RFX3: variants seen among roughly 807,000 people sequenced by gnomAD.
RFX3 encodes the protein regulatory factor X3.
RFX3 carries 14 observed loss-of-function variants against 98.6 expected under a neutral mutation model. The observed-to-expected ratio is 0.14, with a 90% CI of 0.09 to 0.22. RFX3 has a LOEUF of 0.22. Ranked by LOEUF, RFX3 falls within the 10% of genes least tolerant of loss-of-function variation. The pLI is 1.00. For missense variants in RFX3, 639 were observed against 926.9 expected, an observed-to-expected ratio of 0.69 and a Z score of 4.03; for synonymous variants, 383 against 328.4, an observed-to-expected ratio of 1.17 and a Z score of -1.80.
intron 5 of RFX3, among the ~76,000 whole-genome samples, chr9:3,294,218 TG>T: frequency 6.6e-6 from 1 of 152,142 alleles, no homozygotes; most frequent in Non-Finnish European, 1.5e-5. Context: ...ATTGTCTCCA[TG>T]CCTGAGTCTG....
At chr9:3,330,081 A>G (rs963094564) in intron 4 of RFX3, among the ~76,000 whole-genome samples, 178 bp downstream of exon 4, 1 of 152,188 alleles carries the variant, frequency 6.6e-6, no homozygotes, top group African/African-American at 2.4e-5. Context: ...GGGCATATGT[A>G]TCAGTAACAT....
At chr9:3,498,659 T>C (rs1396085014) in intron 1 of RFX3, among the ~76,000 whole-genome samples, 1 of 152,102 alleles carries the variant, frequency 6.6e-6, no homozygotes, top group Non-Finnish European at 1.5e-5. Context: ...TTATTGCTAT[T>C]TTAATACCAC....
chr9:3,233,493 G>C (rs1818748314), intron 15 of RFX3, among the ~76,000 whole-genome samples: 1 of 152,204 alleles, frequency 6.6e-6, no homozygotes, highest in African/African-American at 2.4e-5. Context: ...ACAACGCAGA[G>C]GAAGTTAGGG....
chr9:3,409,717 A>G (rs1323676072), intron 1 of RFX3, among the ~76,000 whole-genome samples: 1 of 152,232 alleles, frequency 6.6e-6, no homozygotes, highest in East Asian at 1.9e-4. Flanking sequence ...CTATTCAGTG[A>G]ATTGATCACC....
At chr9:3,298,547 G>A (rs1049006161) in intron 5 of RFX3, among the ~76,000 whole-genome samples, 8 of 151,780 alleles carry the variant, frequency 5.3e-5, no homozygotes, top group African/African-American at 1.9e-4. Context: ...GGGATGCACT[G>A]GTGAACAAAA....
At chr9:3,457,023 C>T (rs1393589005) in intron 1 of RFX3, among the ~76,000 whole-genome samples, 1 of 151,604 alleles carries the variant, frequency 6.6e-6, no homozygotes, top group Non-Finnish European at 1.5e-5. Context: ...CACCTGTAAT[C>T]CCAGCTACTT....
intron 1 of RFX3, among the ~76,000 whole-genome samples, chr9:3,520,468 T>C (rs975435328): frequency 6.6e-6 from 1 of 152,146 alleles, no homozygotes; most frequent in African/African-American, 2.4e-5. Flanking sequence ...GAGTCGATGA[T>C]ACAAGAAGTA....
At chr9:3,409,032 C>G (rs1030092718) in intron 1 of RFX3, among the ~76,000 whole-genome samples, 1 of 152,212 alleles carries the variant, frequency 6.6e-6, no homozygotes. Context: ...TTTAAGAATT[C>G]TCCGATATTT....
Position 3,221,246 on chromosome 9 carries a change from T to G in RFX3, c.*3796A>C, listed in dbSNP as rs1026947354. 2 of 152,142 alleles carry G rather than the reference T, an allele frequency of 1.3e-5. No individual in the cohort carries two copies. Among genetic ancestry groups the G allele is most frequent in the Admixed American group, 1.3e-4 (2 of 15,264 alleles). 9.4% of individuals were successfully genotyped at this position (152,142 alleles called of 1,614,324 possible). Reference sequence around the variant, plus strand: ...AGCATTATTTTAGACATTTCAAATATATCATCTGAGGAATTTTTAAAAATT... The same window carrying G: ...AGCATTATTTTAGACATTTCAAATAGATCATCTGAGGAATTTTTAAAAATT... On this transcript the variant is annotated 3_prime_UTR_variant, in exon 17 of 17. Coordinates refer to ENST00000617270, the MANE Select transcript of RFX3 (RefSeq NM_001282116.2).
chr9:3,225,271 C>T lies in RFX3; in HGVS notation c.2021G>A (p.Ser674Asn). ...TTCATCCATTTCACTTTCTACTTCA[C>T]TGCCTTCATCTGCACAAACAAATAA... The part of the protein sequence containing the change: ...SPGNLDKDEG[S>N]EVESEMDEEL... Residue 674 changes from serine to asparagine, a missense_variant, in exon 17 of 17, where the codon AGT becomes AAT. Physicochemically the swap from Ser to Asn is conservative, Grantham distance 46. Coordinates refer to ENST00000617270, the MANE Select transcript of RFX3 (RefSeq NM_001282116.2). 1 of 1,613,396 alleles carries T rather than the reference C, an allele frequency of 6.2e-7. No individual in the cohort carries two copies. Among genetic ancestry groups the T allele is most frequent in the Non-Finnish European group, 8.5e-7 (1 of 1,179,850 alleles).
intron 1 of RFX3, chr9:3,420,908 C>G: frequency 1.0e-6 from 1 of 984,954 alleles, no homozygotes; most frequent in Non-Finnish European, 1.2e-6. Context: ...AAATCTGAAA[C>G]CAGCAAATAT....
chr9:3,297,307 G>C (rs1368062647), intron 5 of RFX3, among the ~76,000 whole-genome samples: 1 of 151,940 alleles, frequency 6.6e-6, no homozygotes, highest in Non-Finnish European at 1.5e-5. Context: ...GATTTCAAAA[G>C]CCCATAAAAT....
intron 1 of RFX3, among the ~76,000 whole-genome samples, chr9:3,502,788 G>A (rs1816175446): frequency 6.6e-6 from 1 of 152,060 alleles, no homozygotes; most frequent in Non-Finnish European, 1.5e-5. Flanking sequence ...TGTTAGCCCT[G>A]AGTCATCTAT....
At chr9:3,380,113 A>G (rs1354083105) in intron 2 of RFX3, among the ~76,000 whole-genome samples, 1 of 151,876 alleles carries the variant, frequency 6.6e-6, no homozygotes, top group East Asian at 1.9e-4. Context: ...TTTAGTAGAG[A>G]TGAGGGTTTC....
chr9:3,509,490 A>T (rs1817458619), intron 1 of RFX3, among the ~76,000 whole-genome samples: 1 of 152,012 alleles, frequency 6.6e-6, no homozygotes, highest in Non-Finnish European at 1.5e-5. Context: ...AATAAGAGGA[A>T]ATACAAATAA....
Position 3,330,396 on chromosome 9 carries a change from C to A in RFX3, c.337G>T (p.Val113Leu). 1 of 1,614,124 alleles carries A rather than the reference C, an allele frequency of 6.2e-7. No individual in the cohort carries two copies. The highest frequency in any genetic ancestry group is 8.5e-7 in the Non-Finnish European group (1 of 1,180,024). ...CCCATCTGAATCCCACCAGTGCCCA[C>A]CATACTGTGGGATGAGACCACGGTA... ...VTTVVSSHSM[V>L]GTGGIQMGVT... The change falls in exon 4 of 17, where the codon GTG becomes TTG. Residue 113 changes from valine to leucine, a missense_variant. Transcript: ENST00000617270.
At chr9:3,369,821 G>A (rs1055551395) in intron 2 of RFX3, among the ~76,000 whole-genome samples, 7 of 151,782 alleles carry the variant, frequency 4.6e-5, no homozygotes, top group Non-Finnish European at 8.8e-5. Flanking sequence ...TTGTTTTTTT[G>A]TTTTTGTTTT....
chr9:3,407,146 T>C (rs1842041913), intron 1 of RFX3, among the ~76,000 whole-genome samples: 1 of 152,184 alleles, frequency 6.6e-6, no homozygotes, highest in African/African-American at 2.4e-5. Context: ...ATTAGCCTAA[T>C]AGTAATTGTT....
chr9:3,285,133 G>C (rs1239327343), intron 7 of RFX3, among the ~76,000 whole-genome samples: 1 of 151,724 alleles, frequency 6.6e-6, no homozygotes, highest in East Asian at 1.9e-4. Flanking sequence ...TCACTGCATA[G>C]ACTTGCATTT....
Sources: gnomAD v4.1 joint callset for allele counts (sites outside exome capture counted in the v4.1 genomes callset) on GRCh38, gnomAD v4.1.1 for gene constraint, MANE v1.5 for transcripts, NCBI Gene and HGNC (gene_info 2026-07-23, HGNC 2026-07-21) for gene names.